The following CAPN3 variants were observed in gnomAD, a reference collection of about 807,000 sequenced individuals.
CAPN3 encodes the protein calpain-3.
Under a neutral mutation model 114.0 loss-of-function variants are expected in CAPN3, and 88 were observed. The ratio of observed to expected loss-of-function variants is 0.77; its 90% CI spans 0.65 to 0.92. The LOEUF (loss-of-function observed/expected upper bound fraction) is 0.92, where lower values mean the gene tolerates loss of function less well. Ranked by LOEUF, CAPN3 falls within the 40% of genes least tolerant of loss-of-function variation. The pLI is 0.00. For synonymous variants in CAPN3, 386 were observed against 382.9 expected (o/e 1.01, Z -0.09); for missense variants, 1,028 against 1,069.0 (o/e 0.96, Z 0.53).
chr15:42,363,877 G>A (rs935948040), intron 1 of CAPN3, among the ~76,000 whole-genome samples: 3 of 152,196 alleles, frequency 2.0e-5, no homozygotes, highest in African/African-American at 2.4e-5. Context: ...GTGAGGGTTG[G>A]AGCTGGGATT....
rs772377811 is a variant in CAPN3 at position 42,412,142 on chromosome 15, C to CCAT, written c.*372_*374dup. On this transcript the variant is annotated 3_prime_UTR_variant, in exon 24 of 24. Transcript: ENST00000397163. ...CAGCACCTCCTTGTGCTAGAGCCCT[C>CCAT]CATCACCTTCACGCTGTCCCACCAT... 1.5e-5 allele frequency: 23 copies of CCAT among 1,536,086 alleles called. No homozygotes were observed. The highest frequency in any genetic ancestry group is 2.0e-5 in the Non-Finnish European group (23 of 1,146,910).
intron 8 of CAPN3, among the ~76,000 whole-genome samples, chr15:42,395,160 T>TA (rs2053657324): frequency 6.6e-6 from 1 of 152,164 alleles, no homozygotes; most frequent in South Asian, 2.1e-4. Context: ...CTTGGGCACC[T>TA]ACTACATAGG....
chr15:42,404,696 C>T, intron 14 of CAPN3: 4 of 1,181,276 alleles, frequency 3.4e-6, no homozygotes, highest in Non-Finnish European at 4.3e-6. Flanking sequence ...GCTGACAGTC[C>T]TTTGTGCTCT....
At chr15:42,400,824 T>C (rs1595835882) in intron 10 of CAPN3, among the ~76,000 whole-genome samples, 1 of 152,114 alleles carries the variant, frequency 6.6e-6, no homozygotes, top group Non-Finnish European at 1.5e-5. Context: ...AGTGAAGATT[T>C]GTAATAGAGC....
intron 9 of CAPN3, among the ~76,000 whole-genome samples, chr15:42,397,513 G>T (rs930197605): frequency 6.6e-6 from 1 of 152,046 alleles, no homozygotes; most frequent in African/African-American, 2.4e-5. Flanking sequence ...GCGTGGCAGC[G>T]TGCGCCTGTA....
At chr15:42,381,340 G>A (rs970740348) in intron 1 of CAPN3, among the ~76,000 whole-genome samples, 2 of 151,890 alleles carry the variant, frequency 1.3e-5, no homozygotes, top group African/African-American at 4.8e-5. Context: ...CTCTACTTTT[G>A]TTTGTCTGAT....
chr15:42,395,009 G>A (rs1463974452), intron 8 of CAPN3, among the ~76,000 whole-genome samples: 1 of 152,166 alleles, frequency 6.6e-6, no homozygotes, highest in Non-Finnish European at 1.5e-5. Context: ...TTTCGAGAGG[G>A]GGATGGCAGG....
intron 1 of CAPN3, among the ~76,000 whole-genome samples, chr15:42,371,573 G>T (rs1566969581): frequency 6.6e-6 from 1 of 152,220 alleles, no homozygotes; most frequent in East Asian, 1.9e-4. Context: ...TTGAATTGTA[G>T]GCATTCTTTA....
intron 2 of CAPN3, 58 bp from the exon 3 acceptor site, chr15:42,386,109 T>C: frequency 1.6e-6 from 2 of 1,272,374 alleles, no homozygotes; most frequent in East Asian, 2.3e-5. Context: ...GGATTGGGGC[T>C]TTTTCTTCCC....
At chr15:42,404,353 A>C (rs1359375763) in intron 14 of CAPN3, 1 of 456,394 alleles carries the variant, frequency 2.2e-6, no homozygotes, top group Non-Finnish European at 4.4e-6. Context: ...GCTTTTTCAC[A>C]CTTTACACCT....
chr15:42,371,721 T>C (rs921770626), intron 1 of CAPN3, among the ~76,000 whole-genome samples: 11 of 152,158 alleles, frequency 7.2e-5, no homozygotes, highest in Non-Finnish European at 1.5e-4. Flanking sequence ...CCCAGCACTT[T>C]GGGAGGCCGA....
chr15:42,365,496 G>A (rs1264956539), intron 1 of CAPN3, among the ~76,000 whole-genome samples: 2 of 152,110 alleles, frequency 1.3e-5, no homozygotes, highest in Admixed American at 6.6e-5. Flanking sequence ...AGTTGGGGGA[G>A]CTTGCCACCT....
In CAPN3 at chr15:42,359,974, A is replaced by C; in HGVS notation, c.169A>C (p.Lys57Gln). 6.2e-7 allele frequency: 1 copy of C among 1,614,224 alleles called. No individual in the cohort carries two copies. Among genetic ancestry groups the C allele is most frequent in the Non-Finnish European group, 8.5e-7 (1 of 1,180,026 alleles). ...ISRNFPIIGV[K>Q]EKTFEQLHKK... is the part of the protein sequence containing the mutation. ...CCGCAATTTTCCTATTATCGGAGTG[A>C]AAGAGAAGACATTCGAGCAACTTCA... The change falls in exon 1 of 24, where the codon AAA becomes CAA. Residue 57 changes from lysine (K) to glutamine (Q), a missense_variant. Physicochemically the swap from Lys to Gln is moderately conservative, Grantham distance 53 (BLOSUM62 1). Transcript: ENST00000397163.
At chr15:42,393,076 G>A (rs1278211876) in intron 7 of CAPN3, among the ~76,000 whole-genome samples, 1 of 152,114 alleles carries the variant, frequency 6.6e-6, no homozygotes, top group Non-Finnish European at 1.5e-5. Flanking sequence ...TTGTCTCTGG[G>A]TAGCCACGGG....
rs569991098 is a variant in CAPN3, at chr15:42,392,414, C to G, written c.946-225C>G. The stretch of plus-strand genomic sequence containing the variant: ...AGCATCCACATTGCTCTCTGATGGT[C>G]AGGACAGAGCCTTCTCAGGGAGACC... On this transcript the variant is annotated intron_variant, in intron 6 of 23. Transcript: ENST00000397163. Among the ~76,000 whole-genome samples the G allele has an allele frequency of 7.9e-5, 12 of 152,216 alleles. No individual in the cohort carries two copies. In the South Asian group the frequency reaches 2.5e-3, roughly 32 times the overall value.
At chr15:42,391,829 T>C (rs1203766876) in intron 6 of CAPN3, among the ~76,000 whole-genome samples, 1 of 152,180 alleles carries the variant, frequency 6.6e-6, no homozygotes, top group Non-Finnish European at 1.5e-5. Flanking sequence ...TCTTGAATAT[T>C]ATGTTCCAGG....
chr15:42,406,507 T>C (rs936573805), intron 15 of CAPN3, among the ~76,000 whole-genome samples: 2 of 151,908 alleles, frequency 1.3e-5, no homozygotes, highest in South Asian at 2.1e-4. Flanking sequence ...GTCCCTCTCT[T>C]TTTTTTCCCC....
At chr15:42,363,696 G>A (rs1451286517) in intron 1 of CAPN3, among the ~76,000 whole-genome samples, 3 of 152,160 alleles carry the variant, frequency 2.0e-5, no homozygotes, top group African/African-American at 7.2e-5. Context: ...AAAGATAATC[G>A]CTAATCTTGA....
At chr15:42,384,287 C>G (rs191739429) in intron 1 of CAPN3, among the ~76,000 whole-genome samples, 196 bp from the exon 2 acceptor site, 1 of 152,106 alleles carries the variant, frequency 6.6e-6, no homozygotes, top group Admixed American at 6.5e-5. Flanking sequence ...TGGCGCATGC[C>G]TATAGTCCCA....
Sources: allele counts gnomAD v4.1 joint callset (sites outside exome capture counted in the v4.1 genomes callset), GRCh38; gene constraint gnomAD v4.1.1; transcripts MANE v1.5; gene names NCBI Gene and HGNC (gene_info 2026-07-23, HGNC 2026-07-21).